The following FSHR variants were observed in gnomAD, a reference collection of about 807,000 sequenced individuals.
FSHR encodes follicle stimulating hormone receptor.
FSHR carries 46 observed loss-of-function variants against 52.1 expected under a neutral mutation model. The ratio of observed to expected loss-of-function variants is 0.88; its 90% confidence interval spans 0.70 to 1.13. The LOEUF is 1.13. FSHR is among the 50% of genes most tolerant of loss of function. The pLI, the probability that FSHR is intolerant of heterozygous loss-of-function variation, is 0.00. For synonymous variants in FSHR, 399 were observed against 309.6 expected (o/e 1.29, Z -3.03); for missense variants, 964 against 834.6 (o/e 1.16, Z -1.91).
chr2:49,045,297 T>A, intron 2 of FSHR, among the ~76,000 whole-genome samples: 1 of 152,208 alleles, frequency 6.6e-6, no homozygotes, highest in East Asian at 1.9e-4. Flanking sequence ...ACCTGAGAGC[T>A]GGTTTAGGCA....
chr2:48,964,093 T>G, intron 9 of FSHR, 127 bp from the exon 10 acceptor site: 3 of 819,636 alleles, frequency 3.7e-6, no homozygotes, highest in Non-Finnish European at 5.8e-6. Context: ...TCTCACATCA[T>G]ACCTGCCCTT....
chr2:49,011,982 G>A (rs1171764834), intron 4 of FSHR, among the ~76,000 whole-genome samples: 1 of 152,148 alleles, frequency 6.6e-6, no homozygotes, highest in Admixed American at 6.6e-5. Flanking sequence ...GGGAGTCCCA[G>A]TGAAGAATCT....
At chr2:48,998,660 AGGTATG>A (rs1412798338) in intron 4 of FSHR, among the ~76,000 whole-genome samples, 1 of 152,042 alleles carries the variant, frequency 6.6e-6, no homozygotes, top group Non-Finnish European at 1.5e-5. Flanking sequence ...CAGCGACTAT[AGGTATG>A]GAGCTGTTCT....
intron 8 of FSHR, among the ~76,000 whole-genome samples, chr2:48,979,831 G>T (rs1675166898): frequency 6.6e-6 from 1 of 152,122 alleles, no homozygotes; most frequent in African/African-American, 2.4e-5. Context: ...GTGTGTGTGT[G>T]GGAGCGGGGA....
At chr2:48,994,609 C>T (rs575580287) in intron 4 of FSHR, among the ~76,000 whole-genome samples, 1 of 113,972 alleles carries the variant, frequency 8.8e-6, no homozygotes, top group Non-Finnish European at 2.0e-5. Context: ...TTCATTTTTC[C>T]CCTCTGATCA....
At chr2:49,115,100 G>A (rs1179863075) in intron 1 of FSHR, among the ~76,000 whole-genome samples, 1 of 148,586 alleles carries the variant, frequency 6.7e-6, no homozygotes, top group African/African-American at 2.5e-5. Context: ...ACCTTAGAGT[G>A]GTATGTGGAG....
chr2:49,098,093 A>T (rs1403522576), intron 1 of FSHR, among the ~76,000 whole-genome samples: 1 of 152,168 alleles, frequency 6.6e-6, no homozygotes, highest in Non-Finnish European at 1.5e-5. Flanking sequence ...ATCCCAAATA[A>T]TTTATTTTAG....
chr2:49,110,703 G>A lies in FSHR; in HGVS notation c.153-42413C>T, dbSNP rs1230255249. 2.0e-5 allele frequency among the ~76,000 whole-genome samples: 3 copies of A among 152,048 alleles called. No individual in the cohort carries two copies. The East Asian group carries it at 5.8e-4, about 29-fold the overall frequency. Reference sequence around the variant, plus strand: ...CAATTTTTCACAATTTCCCACTCTTGTCAGACTCAGCAAGCTGCAATTCCT... The same window carrying A: ...CAATTTTTCACAATTTCCCACTCTTATCAGACTCAGCAAGCTGCAATTCCT... On this transcript the variant is annotated intron_variant, in intron 1 of 9. Transcript: ENST00000406846.
chr2:49,052,605 A>T (rs1668907533), intron 2 of FSHR, among the ~76,000 whole-genome samples: 1 of 152,204 alleles, frequency 6.6e-6, no homozygotes, highest in African/African-American at 2.4e-5. Flanking sequence ...AGAACCACTC[A>T]ACGTCATTTC....
At chr2:49,056,989 C>G (rs1296487142) in intron 2 of FSHR, among the ~76,000 whole-genome samples, 11 of 151,784 alleles carry the variant, frequency 7.2e-5, no homozygotes, top group Admixed American at 7.2e-4. Context: ...AATACCAAAA[C>G]CTATGGGATG....
intron 1 of FSHR, among the ~76,000 whole-genome samples, chr2:49,094,084 C>T (rs186768161): frequency 6.6e-6 from 1 of 152,002 alleles, no homozygotes; most frequent in Non-Finnish European, 1.5e-5. Flanking sequence ...CTCCTTTCTT[C>T]CTTCTTTTGG....
Position 49,154,411 on chromosome 2 carries a change from G to C in FSHR, c.7C>G (p.Leu3Val), listed in dbSNP as rs371608596. 5 of 1,612,250 alleles carry C rather than the reference G, an allele frequency of 3.1e-6. No homozygotes were observed. Among genetic ancestry groups the C allele is most frequent in the Non-Finnish European group, 3.4e-6 (4 of 1,179,862 alleles). The change falls in exon 1 of 10, where the codon CTG becomes GTG. Residue 3 changes from leucine to valine, a missense_variant. Physicochemically the swap from Leu to Val is conservative, Grantham distance 32. Coordinates refer to ENST00000406846, the MANE Select transcript of FSHR (RefSeq NM_000145.4). MA[L>V]LLVSLLAFLS... The stretch of plus-strand genomic sequence containing the variant: ...AATGCCAGCAAAGAGACCAGGAGCA[G>C]GGCCATAATTATGCATCCATCCACC...
intron 2 of FSHR, among the ~76,000 whole-genome samples, chr2:49,029,656 C>G (rs1381542186): frequency 6.6e-6 from 1 of 152,200 alleles, no homozygotes; most frequent in African/African-American, 2.4e-5. Flanking sequence ...ATGTCATGCA[C>G]TAGGATAAAA....
chr2:49,132,968 T>TAAAAAAAAAAAAAAAAAAAAAAAAA (rs34913428), intron 1 of FSHR, among the ~76,000 whole-genome samples: 3 of 48,650 alleles, frequency 6.2e-5, no homozygotes, highest in African/African-American at 2.6e-4. Context: ...TAAAACTCAG[T>TAAAAAAAAAAAAAAAAAAAAAAAAA]AAAAAAAAAA....
intron 4 of FSHR, among the ~76,000 whole-genome samples, chr2:49,007,324 G>A (rs1667108041): frequency 6.6e-6 from 1 of 152,162 alleles, no homozygotes; most frequent in African/African-American, 2.4e-5. Context: ...TAAAATGGCT[G>A]TGTGTCCCTC....
intron 1 of FSHR, among the ~76,000 whole-genome samples, chr2:49,081,527 A>G (rs528653832): frequency 6.6e-6 from 1 of 152,166 alleles, no homozygotes; most frequent in Non-Finnish European, 1.5e-5. Context: ...TTAACTCACT[A>G]TTAATTCATT....
chr2:48,972,551 A>T (rs1029934666), intron 8 of FSHR, among the ~76,000 whole-genome samples: 1 of 151,948 alleles, frequency 6.6e-6, no homozygotes, highest in Admixed American at 6.6e-5. Context: ...TCTTTTGGCA[A>T]CGCCTCTTCT....
intron 1 of FSHR, among the ~76,000 whole-genome samples, chr2:49,105,845 G>A (rs945229134): frequency 2.0e-5 from 3 of 151,998 alleles, no homozygotes; most frequent in Admixed American, 1.3e-4. Flanking sequence ...TATGTTCCAA[G>A]TTGATGGAAG....
chr2:48,990,437 A>G (rs1460443011), intron 5 of FSHR, 129 bp downstream of exon 5: 2 of 745,604 alleles, frequency 2.7e-6, no homozygotes. Flanking sequence ...TGGCCTCCCT[A>G]TCTTTGCTAA....
Sources: gnomAD v4.1 joint callset for allele counts (sites outside exome capture counted in the v4.1 genomes callset) on GRCh38, gnomAD v4.1.1 for gene constraint, MANE v1.5 for transcripts, NCBI Gene and HGNC (gene_info 2026-07-23, HGNC 2026-07-21) for gene names.